Variants in ZNF83 observed in about 807,000 individuals in gnomAD.
The protein encoded by ZNF83 is zinc finger protein 816B.
For synonymous variants in ZNF83, 209 were observed against 213.0 expected (o/e 0.98, Z 0.17); for missense variants, 552 against 629.9 (o/e 0.88, Z 1.32).
intron 2 of ZNF83, among the ~76,000 whole-genome samples, chr19:52,619,726 G>A (rs148940179): frequency 1.1e-4 from 17 of 151,954 alleles, no homozygotes; most frequent in African/African-American, 3.4e-4. Flanking sequence ...AGATGACAAC[G>A]TCCACAGTGA....
chr19:52,663,949 C>G (rs1975941), intron 1 of ZNF83, among the ~76,000 whole-genome samples: 1 of 152,034 alleles, frequency 6.6e-6, no homozygotes, highest in South Asian at 2.1e-4. Flanking sequence ...TGCAGTTATG[C>G]GATCTCGGCT....
chr19:52,638,604 G>A (rs960337875), upstream of ZNF83, among the ~76,000 whole-genome samples: 7 of 152,394 alleles, frequency 4.6e-5, 1 homozygote, highest in Middle Eastern at 6.8e-3. Flanking sequence ...GGAATTATCT[G>A]GAACGGGGAT....
chr19:52,662,529 CTAAT>C (rs1375654953), intron 1 of ZNF83, among the ~76,000 whole-genome samples: 3 of 152,060 alleles, frequency 2.0e-5, no homozygotes, highest in Non-Finnish European at 4.4e-5. Flanking sequence ...TGATCTGAGT[CTAAT>C]TACCTGTTTT....
intron 3 of ZNF83, among the ~76,000 whole-genome samples, chr19:52,643,985 G>A (rs1236414632): frequency 6.6e-6 from 1 of 152,130 alleles, no homozygotes; most frequent in Non-Finnish European, 1.5e-5. Context: ...ACTGGCAGGG[G>A]CCCTGGACAC....
chr19:52,677,503 A>AACACTAAAATAT (rs1179223907), intron 1 of ZNF83, among the ~76,000 whole-genome samples: 8 of 151,274 alleles, frequency 5.3e-5, no homozygotes, highest in African/African-American at 2.0e-4. Flanking sequence ...AAAAAAGAAA[A>AACACTAAAATAT]AGAGATCCAA....
chr19:52,652,954 G>A (rs1274358064), intron 3 of ZNF83: 10 of 1,257,220 alleles, frequency 8.0e-6, no homozygotes, highest in Non-Finnish European at 1.2e-5. Context: ...ATGACTGAAG[G>A]TCTTGCCACA....
At chr19:52,626,340 GACTT>G (rs1482305770) in intron 2 of ZNF83, among the ~76,000 whole-genome samples, 3 of 152,134 alleles carry the variant, frequency 2.0e-5, no homozygotes, top group Non-Finnish European at 4.4e-5. Flanking sequence ...CTGAGGCCTG[GACTT>G]ACTCACTGCT....
At chr19:52,619,319 C>T (rs1297085466) in intron 2 of ZNF83, among the ~76,000 whole-genome samples, 1 of 152,126 alleles carries the variant, frequency 6.6e-6, no homozygotes, top group Non-Finnish European at 1.5e-5. Flanking sequence ...ATGCCTGGTT[C>T]CCATTATAGA....
chr19:52,636,005 A>AC (rs1001905303), intron 1 of ZNF83: 2 of 151,198 alleles, frequency 1.3e-5, no homozygotes, highest in East Asian at 2.0e-4. Context: ...AAAAAAAAAA[A>AC]AACTATGTAG....
intron 1 of ZNF83, among the ~76,000 whole-genome samples, chr19:52,669,685 G>C (rs2061697479): frequency 6.6e-6 from 1 of 152,094 alleles, no homozygotes; most frequent in African/African-American, 2.4e-5. Context: ...TTTTCAGGAT[G>C]GCTAGAAAAG....
At chr19:52,660,053 TG>T (rs2147276004) in intron 2 of ZNF83, among the ~76,000 whole-genome samples, 1 of 151,826 alleles carries the variant, frequency 6.6e-6, no homozygotes, top group African/African-American at 2.4e-5. Context: ...TAGCGGGGTG[TG>T]GTGGTGTGCG....
At chr19:52,622,962 A>T (rs1020940964) in intron 2 of ZNF83, among the ~76,000 whole-genome samples, 1 of 152,212 alleles carries the variant, frequency 6.6e-6, no homozygotes, top group Non-Finnish European at 1.5e-5. Flanking sequence ...CAAGAACTTC[A>T]AAACGCCTAA....
At chr19:52,637,735 G>A (rs776862443) in intron 1 of ZNF83, among the ~76,000 whole-genome samples, 6 of 152,152 alleles carry the variant, frequency 3.9e-5, no homozygotes, top group Non-Finnish European at 7.3e-5. Flanking sequence ...GCTGGAGCTG[G>A]GCAGGCAAGA....
At chr19:52,643,606 CAGG>C (rs2061336317) in intron 3 of ZNF83, among the ~76,000 whole-genome samples, 1 of 151,858 alleles carries the variant, frequency 6.6e-6, no homozygotes, top group African/African-American at 2.4e-5. Context: ...GAGGCTGAGG[CAGG>C]AGAATTGCTT....
chr19:52,689,374 T>G (rs1317614617), intron 1 of ZNF83, among the ~76,000 whole-genome samples: 1 of 152,054 alleles, frequency 6.6e-6, no homozygotes, highest in Non-Finnish European at 1.5e-5. Context: ...TTACATTCTC[T>G]CTTCCCTGTT....
Position 52,655,611 on chromosome 19 carries a change from G to A in ZNF83, c.-124C>T, listed in dbSNP as rs536629723. On this transcript the variant is annotated 5_prime_UTR_variant, in exon 3 of 6. Coordinates refer to the ZNF83 transcript ENST00000594682. ...CTCCAACATCACGGCCCTGTATAAA[G>A]CCCTCTGTGCAGGGTTCAGGCATTT... 1.2e-4 allele frequency: 187 copies of A among 1,504,744 alleles called. 1 individual carries two copies. In the East Asian group the frequency reaches 3.2e-3, roughly 26 times the overall value. 93.2% of individuals were successfully genotyped at this position (1,504,744 alleles called of 1,614,324 possible).
intron 1 of ZNF83, among the ~76,000 whole-genome samples, chr19:52,687,018 C>T (rs1185142127): frequency 3.3e-5 from 5 of 151,696 alleles, no homozygotes; most frequent in Non-Finnish European, 1.5e-5. Context: ...CCTGTCTCTA[C>T]TAAAAATACA....
chr19:52,624,104 G>A (rs930614437), intron 2 of ZNF83, among the ~76,000 whole-genome samples: 2 of 151,982 alleles, frequency 1.3e-5, no homozygotes, highest in African/African-American at 4.8e-5. Context: ...CAAGGCTTCC[G>A]GGATAGCCCT....
At chr19:52,635,965 C>G (rs993673199) in intron 1 of ZNF83, 1 of 142,668 alleles carries the variant, frequency 7.0e-6, no homozygotes, top group African/African-American at 2.7e-5. Context: ...GCACTCCAGC[C>G]TGGGAAACAA....
Sources: gnomAD v4.1 joint callset for allele counts (sites outside exome capture counted in the v4.1 genomes callset) on GRCh38, gnomAD v4.1.1 for gene constraint, MANE v1.5 for transcripts, NCBI Gene and HGNC (gene_info 2026-07-23, HGNC 2026-07-21) for gene names.